The following RNF125 variants were observed in gnomAD, a reference collection of about 807,000 sequenced individuals.
RNF125 encodes E3 ubiquitin-protein ligase RNF125.
In RNF125, 21 loss-of-function variants were observed where a neutral mutation model predicts 26.0. The observed-to-expected ratio is 0.81, with a 90% CI of 0.57 to 1.16. RNF125 has a LOEUF of 1.16. Among genes scored for constraint, RNF125 ranks in the 50% most tolerant of loss-of-function variants. RNF125 has a pLI of 0.00. For synonymous variants in RNF125, 95 were observed against 109.2 expected (o/e 0.87, Z 0.81); for missense variants, 270 against 299.4 (o/e 0.90, Z 0.72).
chr18:32,021,075 C>T (rs996645592), intron 1 of RNF125, among the ~76,000 whole-genome samples: 7 of 152,182 alleles, frequency 4.6e-5, no homozygotes, highest in African/African-American at 1.7e-4. Flanking sequence ...GGCATTATTT[C>T]GTAGCTGTGT....
rs773495149 is a variant in RNF125 at position 32,066,025 on chromosome 18, T to A, written c.612+16T>A. The A allele has an allele frequency of 6.9e-7, 1 of 1,441,992 alleles. No individual in the cohort carries two copies. The highest frequency in any genetic ancestry group is 9.8e-7 in the Non-Finnish European group (1 of 1,025,198). The allele number at this position is 1,441,992 out of a possible 1,614,324, so 89.3% of individuals were successfully genotyped here. On this transcript the variant is annotated intron_variant, in intron 5 of 5. Coordinates refer to ENST00000217740, the MANE Select transcript of RNF125 (RefSeq NM_017831.4). ...TGATTTCATAGTAAGTATATTTTCT[T>A]ATTTTTACATTATGTTTTCATGCTG...
the RNF125 span, among the ~76,000 whole-genome samples, chr18:32,079,774 CTAAAG>C: frequency 1.3e-4 from 20 of 152,278 alleles, no homozygotes; most frequent in East Asian, 3.9e-3. Flanking sequence ...GGACAGAGTT[CTAAAG>C]TAAAGATTTA....
At position 32,061,266 on chromosome 18, in the gene RNF125, C is replaced by T. The variant is rs188872364; in HGVS notation, c.505-4636C>T. On this transcript the variant is annotated intron_variant, in intron 4 of 5. Coordinates refer to ENST00000217740, the MANE Select transcript of RNF125 (RefSeq NM_017831.4). ...GTGTCGATCTCCTGACCTCATGATCCGCCCACCTTGCCCTCCCAAAGTGCT... is the reference window on the plus strand; with the variant it reads ...GTGTCGATCTCCTGACCTCATGATCTGCCCACCTTGCCCTCCCAAAGTGCT... 1.2e-3 allele frequency among the ~76,000 whole-genome samples: 183 copies of T among 152,168 alleles called. 5 individuals carry two copies. The highest frequency in any genetic ancestry group is 0.01 in the Admixed American group (156 of 15,270).
At chr18:32,036,154 CA>C (rs59263221) in intron 1 of RNF125, among the ~76,000 whole-genome samples, 82,187 of 120,300 alleles carry the variant, frequency 0.68, 25,789 homozygotes, top group African/African-American at 0.72. Flanking sequence ...GACTCCATCT[CA>C]AAAAAAAAAA....
chr18:32,042,337 C>G, intron 3 of RNF125, 64 bp downstream of exon 3: 1 of 1,017,974 alleles, frequency 9.8e-7, no homozygotes, highest in South Asian at 1.5e-5. Flanking sequence ...ATTTAATGGG[C>G]TGGAAACTTT....
At chr18:32,085,080 C>T in the RNF125 span, among the ~76,000 whole-genome samples, 9 of 152,202 alleles carry the variant, frequency 5.9e-5, no homozygotes, top group South Asian at 2.1e-4. Context: ...AACCACTTTG[C>T]GGCATTTCTT....
At chr18:32,085,417 A>AC in the RNF125 span, among the ~76,000 whole-genome samples, 2 of 101,644 alleles carry the variant, frequency 2.0e-5, no homozygotes, top group Non-Finnish European at 2.1e-5. Flanking sequence ...GAGAGAGAGA[A>AC]AGCTGGGTGA....
intron 1 of RNF125, among the ~76,000 whole-genome samples, chr18:32,020,002 CTGTGTGTGTGTGTGTG>C (rs149126113): frequency 0.53 from 79,379 of 149,876 alleles, 21,004 homozygotes; most frequent in Middle Eastern, 0.57. Context: ...TCTCTGTTTA[CTGTGTGTGTGTGTGTG>C]TGTGTGTGTG....
chr18:32,083,138 A>G, the RNF125 span, among the ~76,000 whole-genome samples: 1 of 152,156 alleles, frequency 6.6e-6, no homozygotes, highest in Non-Finnish European at 1.5e-5. Context: ...CATGTTCTAA[A>G]TGGAAGTTTT....
the RNF125 span, among the ~76,000 whole-genome samples, chr18:32,081,817 T>C: frequency 6.6e-6 from 1 of 152,212 alleles, no homozygotes; most frequent in African/African-American, 2.4e-5. Flanking sequence ...TTGTGTTGAT[T>C]TTTCCTGAGC....
intron 4 of RNF125, among the ~76,000 whole-genome samples, chr18:32,051,023 T>A (rs1035602534): frequency 2.6e-5 from 4 of 151,620 alleles, no homozygotes; most frequent in African/African-American, 9.7e-5. Flanking sequence ...GCGCCTGGCC[T>A]CAAAGTTCTC....
At chr18:32,052,302 G>T (rs1221135336) in intron 4 of RNF125, among the ~76,000 whole-genome samples, 2 of 151,762 alleles carry the variant, frequency 1.3e-5, no homozygotes, top group African/African-American at 4.8e-5. Context: ...AGACCAGCCT[G>T]GCCAATATGG....
chr18:32,036,544 A>C (rs1393370606), intron 1 of RNF125, among the ~76,000 whole-genome samples: 2 of 146,048 alleles, frequency 1.4e-5, no homozygotes, highest in Non-Finnish European at 3.0e-5. Context: ...CAGAGAACAT[A>C]TTTCTTGACC....
the RNF125 span, among the ~76,000 whole-genome samples, chr18:32,081,765 GT>G: frequency 6.6e-6 from 1 of 152,122 alleles, no homozygotes; most frequent in Non-Finnish European, 1.5e-5. Context: ...AAATTATTGT[GT>G]GGTTTCTCTC....
At chr18:32,079,530 AG>A in the RNF125 span, among the ~76,000 whole-genome samples, 8 of 152,236 alleles carry the variant, frequency 5.3e-5, no homozygotes, top group African/African-American at 1.9e-4. Flanking sequence ...ATTATAATGA[AG>A]AAAGCAGCCC....
intron 1 of RNF125, among the ~76,000 whole-genome samples, chr18:32,020,033 T>TGTGTG (rs71384924): frequency 7.3e-6 from 1 of 137,570 alleles, no homozygotes; most frequent in African/African-American, 2.7e-5. Context: ...TGTGTGTGTG[T>TGTGTG]TTGAGAGAGA....
At chr18:32,041,115 C>T (rs891756157) in intron 2 of RNF125, among the ~76,000 whole-genome samples, 1 of 152,272 alleles carries the variant, frequency 6.6e-6, no homozygotes, top group Non-Finnish European at 1.5e-5. Context: ...TACAGAGCTT[C>T]CTTTAGCACA....
chr18:32,035,989 C>A (rs756694380), intron 1 of RNF125, among the ~76,000 whole-genome samples: 1 of 151,836 alleles, frequency 6.6e-6, no homozygotes, highest in South Asian at 2.1e-4. Context: ...CCTGTCTCTA[C>A]TAAAAACACA....
intron 5 of RNF125, among the ~76,000 whole-genome samples, chr18:32,067,820 T>C (rs1598828896): frequency 1.3e-5 from 2 of 152,220 alleles, no homozygotes; most frequent in South Asian, 2.1e-4. Context: ...GTTTTACTTA[T>C]AGAATGTGCT....
Sources: gnomAD v4.1 joint callset for allele counts (sites outside exome capture counted in the v4.1 genomes callset) on GRCh38, gnomAD v4.1.1 for gene constraint, MANE v1.5 for transcripts, NCBI Gene and HGNC (gene_info 2026-07-23, HGNC 2026-07-21) for gene names.